Variants in AGL observed in about 807,000 individuals in gnomAD.
AGL encodes the protein glycogen debranching enzyme.
Under a neutral mutation model 199.3 loss-of-function variants are expected in AGL, and 128 were observed. The ratio of observed to expected loss-of-function variants is 0.64; its 90% confidence interval spans 0.56 to 0.74. The LOEUF (loss-of-function observed/expected upper bound fraction) is 0.74. Ranked by LOEUF, AGL falls within the 30% of genes least tolerant of loss-of-function variation. The probability of loss-of-function intolerance (pLI) is 0.00; values close to 1 mark genes in which losing one functional copy is unlikely to be tolerated. For missense variants in AGL, 1,809 were observed against 1,820.8 expected (o/e 0.99, Z 0.12); for synonymous variants, 584 against 594.7 (o/e 0.98, Z 0.26).
At chr1:99,879,829 A>T in intron 12 of AGL, 94 bp from the exon 13 acceptor site, 1 of 1,007,850 alleles carries the variant, frequency 9.9e-7, no homozygotes, top group Non-Finnish European at 1.6e-6. Flanking sequence ...TTCTATGTCA[A>T]ATCATGCCTC....
At chr1:99,908,160 C>A (rs577174108) in intron 27 of AGL, among the ~76,000 whole-genome samples, 2 of 150,984 alleles carry the variant, frequency 1.3e-5, no homozygotes, top group South Asian at 2.1e-4. Flanking sequence ...GTGTTTAGGT[C>A]TTTGATCCAT....
Position 99,884,168 on chromosome 1 carries a change from C to T in AGL, c.2357C>T (p.Thr786Met), listed in dbSNP as rs147586981. The change falls in exon 18 of 34, where the codon ACG becomes ATG. Residue 786 changes from threonine (T) to methionine (M), a missense_variant. Transcript: ENST00000361915. ...VLEARTIERN[T>M]KPYRKDENSI... ...GAAGCTAGAACTATTGAGAGAAACACGAAACCTTATAGGAAGGATGAGAAT... is the reference window on the plus strand; with the variant it reads ...GAAGCTAGAACTATTGAGAGAAACATGAAACCTTATAGGAAGGATGAGAAT... 34 of 1,612,546 alleles carry T rather than the reference C, an allele frequency of 2.1e-5. No individual in the cohort carries two copies. Among genetic ancestry groups the T allele is most frequent in the African/African-American group, 2.7e-5 (2 of 74,852 alleles).
Position 99,851,058 on chromosome 1 carries a change from CAG to C in AGL, c.18_19del (p.Gln6HisfsTer20), listed in dbSNP as rs113994127. MGHSK[Q>X]IRILLLNEME... ...AGAAGCCAAAATGGGACACAGTAAA[CAG>C]ATTCGAATTTTACTTCTGAACGAAA... is the stretch of plus-strand genomic sequence containing the variant. On this transcript the variant is annotated frameshift_variant, in exon 2 of 34. Transcript: ENST00000361915. LOFTEE classifies it high-confidence loss of function. The C allele has an allele frequency of 1.4e-4, 233 of 1,613,956 alleles. No homozygotes were observed. The highest frequency in any genetic ancestry group is 1.9e-4 in the Non-Finnish European group (226 of 1,179,872).
At chr1:99,882,730 T>C (rs1188763170) in intron 17 of AGL, among the ~76,000 whole-genome samples, 1 of 152,198 alleles carries the variant, frequency 6.6e-6, no homozygotes, top group Non-Finnish European at 1.5e-5. Context: ...CTTACTATTA[T>C]ATGTGGCATA....
intron 30 of AGL, 26 bp from the exon 31 acceptor site, chr1:99,915,363 G>A: frequency 6.4e-7 from 1 of 1,557,496 alleles, no homozygotes; most frequent in South Asian, 1.1e-5. Flanking sequence ...TTAAAAATTT[G>A]TATATTTGTT....
chr1:99,907,327 A>G (rs985590201), intron 27 of AGL, among the ~76,000 whole-genome samples: 2 of 152,228 alleles, frequency 1.3e-5, no homozygotes, highest in Non-Finnish European at 2.9e-5. Flanking sequence ...GTATGTATAT[A>G]CCACATTTTG....
upstream of AGL, among the ~76,000 whole-genome samples, chr1:99,849,621 A>T (rs1410132478): frequency 6.6e-6 from 1 of 152,212 alleles, no homozygotes; most frequent in Non-Finnish European, 1.5e-5. Flanking sequence ...ATTCAGGAAC[A>T]TGTGTCCTGT....
rs766145135 is a variant in AGL at position 99,881,701 on chromosome 1, T to A, written c.2308+10T>A. 6.2e-7 allele frequency: 1 copy of A among 1,611,824 alleles called. No individual in the cohort carries two copies. The highest frequency in any genetic ancestry group is 2.2e-5 in the East Asian group (1 of 44,840). ...CAAATGTGCATCCCTGGTAATGCAA[T>A]CTAAAAATTGTTACTGTATTTGTAT... On this transcript the variant is annotated intron_variant, in intron 17 of 33. Transcript: ENST00000361915.
Position 99,875,196 on chromosome 1 carries a change from T to TA in AGL, c.1129dup (p.Arg377LysfsTer14). ...TTGAAGAATGCTGTAATTGGTTTCA[T>TA]AAAAGAATGGAGGAATTAAATTCAG... is the stretch of plus-strand genomic sequence containing the variant. On this transcript the variant is annotated frameshift_variant, in exon 9 of 34. Coordinates refer to ENST00000361915, the MANE Select transcript of AGL (RefSeq NM_000642.3). LOFTEE classifies it high-confidence loss of function. 1 of 1,614,194 alleles carries TA rather than the reference T, an allele frequency of 6.2e-7. No individual in the cohort carries two copies. The highest frequency in any genetic ancestry group is 8.5e-7 in the Non-Finnish European group (1 of 1,180,018).
Position 99,874,457 on chromosome 1 carries a change from GTC to G in AGL, c.959-226_959-225del, listed in dbSNP as rs1421453161. 4.4e-5 allele frequency: 19 copies of G among 434,752 alleles called. No homozygotes were observed. The South Asian group carries it at 4.7e-4, about 11-fold the overall frequency. 26.9% of individuals were successfully genotyped at this position (434,752 alleles called of 1,614,324 possible). A position where few individuals can be genotyped will look rare whatever the true frequency, so the allele number is the denominator to read the frequency against. On this transcript the variant is annotated intron_variant, in intron 7 of 33. Transcript: ENST00000361915. ...TGTGTCTTTCTTTTATGTTATTTTT[GTC>G]TCTGTTTCTTTCTCCCCCACACCCC...
At chr1:99,896,410 T>C (rs79435569) in intron 25 of AGL, 22 bp downstream of exon 25, 7 of 1,543,746 alleles carry the variant, frequency 4.5e-6, no homozygotes, top group Non-Finnish European at 6.3e-6. Context: ...TCTAAAGTGT[T>C]GTACTGCGAG....
intron 2 of AGL, chr1:99,852,706 G>A (rs751712382): frequency 2.6e-6 from 2 of 780,588 alleles, no homozygotes; most frequent in Non-Finnish European, 4.8e-6. Flanking sequence ...ATTTATTGGT[G>A]AGATGAAAGT....
chr1:99,861,089 C>A, intron 2 of AGL: 1 of 723,434 alleles, frequency 1.4e-6, no homozygotes, highest in Non-Finnish European at 1.8e-6. Context: ...CTTTCTGACA[C>A]CATAGAGAAA....
At chr1:99,881,852 GC>G (rs1652060242) in intron 17 of AGL, among the ~76,000 whole-genome samples, 161 bp downstream of exon 17, 1 of 151,966 alleles carries the variant, frequency 6.6e-6, no homozygotes, top group Non-Finnish European at 1.5e-5. Context: ...TGGTAACTTG[GC>G]CAGGTATGAT....
In AGL at chr1:99,913,745, G is replaced by A; in HGVS notation, c.4161+7G>A. ...TACCATAGCAATGGTTGTGGTAGGT[G>A]ATTCGTTTGTAAAAACATTTCAAAA... On this transcript the variant is annotated splice_region_variant and intron_variant, in intron 30 of 33. Transcript: ENST00000361915. 1 of 1,612,374 alleles carries A rather than the reference G, an allele frequency of 6.2e-7. No individual in the cohort carries two copies. The highest frequency in any genetic ancestry group is 8.5e-7 in the Non-Finnish European group (1 of 1,178,454).
intron 24 of AGL, among the ~76,000 whole-genome samples, chr1:99,893,110 G>A (rs982782914): frequency 6.6e-6 from 1 of 152,044 alleles, no homozygotes; most frequent in African/African-American, 2.4e-5. Context: ...ACAAATTCAA[G>A]TAAGCAAAAT....
In AGL at chr1:99,916,701, T is replaced by G. The variant is rs774708890; in HGVS notation, c.4451T>G (p.Val1484Gly). 60 of 1,613,334 alleles carry G rather than the reference T, an allele frequency of 3.7e-5. No homozygotes were observed. Among genetic ancestry groups the G allele is most frequent in the Non-Finnish European group, 4.7e-5 (55 of 1,179,582 alleles). The change falls in exon 33 of 34, where the codon GTT becomes GGT. Residue 1484 changes from valine to glycine, a missense_variant. Coordinates refer to ENST00000361915, the MANE Select transcript of AGL (RefSeq NM_000642.3). ...TAKTIVLVKN[V>G]LSRHYVHLER... Reference sequence around the variant, plus strand: ...AAGACTATAGTTTTGGTTAAAAATGTTCTTTCCCGACATTATGTTCATCTT... The same window carrying G: ...AAGACTATAGTTTTGGTTAAAAATGGTCTTTCCCGACATTATGTTCATCTT...
intron 20 of AGL, among the ~76,000 whole-genome samples, chr1:99,887,256 CA>C (rs1351492235): frequency 1.3e-5 from 2 of 152,264 alleles, no homozygotes; most frequent in Non-Finnish European, 2.9e-5. Context: ...CAAGAAAATA[CA>C]GTTTCAGCTG....
Position 99,892,564 on chromosome 1 carries a change from G to C in AGL, c.3216G>C (p.Glu1072Asp). The C allele has an allele frequency of 6.2e-7, 1 of 1,613,558 alleles. No homozygotes were observed. Among genetic ancestry groups the C allele is most frequent in the Non-Finnish European group, 8.5e-7 (1 of 1,179,678 alleles). ...ALMDVPYRLN[E>D]ITKEKEQCCV... ...TGGATGTACCTTATAGGTTAAATGA[G>C]ATCACAAAAGAAAAGGAGCAATGTT... is the stretch of plus-strand genomic sequence containing the variant. The change falls in exon 24 of 34, where the codon GAG (glutamate) becomes GAC (aspartate). Residue 1072 changes from glutamate (E) to aspartate (D), a missense_variant. Physicochemically the swap from Glu to Asp is conservative, Grantham distance 45 (BLOSUM62 2). Coordinates refer to ENST00000361915, the MANE Select transcript of AGL (RefSeq NM_000642.3).
Sources: allele counts gnomAD v4.1 joint callset (sites outside exome capture counted in the v4.1 genomes callset), GRCh38; gene constraint gnomAD v4.1.1; transcripts MANE v1.5; gene names NCBI Gene and HGNC (gene_info 2026-07-23, HGNC 2026-07-21).